The following LSR variants were observed in gnomAD, a reference collection of about 807,000 sequenced individuals.
The protein encoded by LSR is lipolysis-stimulated lipoprotein receptor.
LSR carries 44 observed loss-of-function variants against 61.8 expected under a neutral mutation model. The ratio of observed to expected loss-of-function variants is 0.71; its 90% CI spans 0.56 to 0.91. The LOEUF is 0.91. Ranked by LOEUF, LSR falls within the 40% of genes least tolerant of loss-of-function variation. The pLI, the probability that LSR is intolerant of heterozygous loss-of-function variation, is 0.00. For missense variants in LSR, 911 were observed against 830.5 expected (o/e 1.10, Z -1.19); for synonymous variants, 397 against 350.6 (o/e 1.13, Z -1.48).
rs2065900901 is a variant in LSR at position 35,259,640 on chromosome 19, A to C, written c.574+576A>C. Among the ~76,000 whole-genome samples the C allele has an allele frequency of 2.0e-5, 3 of 151,966 alleles. No individual in the cohort carries two copies. The South Asian group carries it at 6.2e-4, about 32-fold the overall frequency. On this transcript the variant is annotated intron_variant, in intron 3 of 9. Coordinates refer to ENST00000605618, the MANE Select transcript of LSR (RefSeq NM_205834.4). The stretch of plus-strand genomic sequence containing the variant: ...GCGACAGAGTGAGACTCTGTCCAAA[A>C]AAAAAAAAAATCCAGACGTGGTCAG...
intron 7 of LSR, 29 bp downstream of exon 7, chr19:35,266,767 G>A (rs758282214): frequency 3.7e-6 from 6 of 1,609,432 alleles, no homozygotes; most frequent in Admixed American, 1.7e-5. Context: ...GAAGTTGGAT[G>A]TGCCTGTAAG....
rs1176286636 is a variant in LSR, at chr19:35,267,214, C to T, written c.1250C>T (p.Pro417Leu). The change falls in exon 9 of 10, where the codon CCC becomes CTC. Residue 417 changes from proline (P) to leucine (L), a missense_variant. Transcript: ENST00000605618. The stretch of plus-strand genomic sequence containing the variant: ...GATGAGGAGTGGGGTGGCCACTCCC[C>T]CCGGAGTCCCAGGGGATGGGACCAG... ...IRDEEWGGHS[P>L]RSPRGWDQEP... is the part of the protein sequence containing the mutation. 1 of 1,522,060 alleles carries T rather than the reference C, an allele frequency of 6.6e-7. No homozygotes were observed. The highest frequency in any genetic ancestry group is 8.8e-7 in the Non-Finnish European group (1 of 1,137,944). 94.3% of individuals were successfully genotyped at this position (1,522,060 alleles called of 1,614,324 possible).
At chr19:35,266,273 G>C (rs1293502877) in intron 5 of LSR, 86 bp from the exon 6 acceptor site, 1 of 1,143,034 alleles carries the variant, frequency 8.7e-7, no homozygotes, top group East Asian at 2.4e-5. Context: ...AGGAGGTCCA[G>C]GCCCAGGTCC....
chr19:35,260,066 C>G (rs1406449671), intron 3 of LSR, among the ~76,000 whole-genome samples: 2 of 152,304 alleles, frequency 1.3e-5, no homozygotes, highest in Middle Eastern at 3.4e-3. Context: ...GGCTGCAAGA[C>G]AGAGTTCATG....
intron 5 of LSR, among the ~76,000 whole-genome samples, chr19:35,266,091 C>T (rs182891468): frequency 6.6e-6 from 1 of 152,338 alleles, no homozygotes; most frequent in Non-Finnish European, 1.5e-5. Flanking sequence ...TGTTCTGCCA[C>T]CCTGGGGCTG....
intron 4 of LSR, 135 bp downstream of exon 4, chr19:35,262,116 G>A: frequency 1.2e-6 from 1 of 822,936 alleles, no homozygotes; most frequent in Non-Finnish European, 1.9e-6. Flanking sequence ...GCCTGACTGT[G>A]GCTCTGAGGC....
Position 35,250,637 on chromosome 19 carries a change from C to A in LSR, c.432C>A (p.Gly144=). Residue 144 remains glycine, a synonymous_variant, in exon 2 of 10, where the codon GGC becomes GGA. Transcript: ENST00000605618. ...NAVTLGDYYQ[G]RRITITGNAD... ...TGACCCTGGGAGATTACTACCAGGG[C>A]CGGAGGATTACCATCACCGGAAGTA... is the stretch of plus-strand genomic sequence containing the variant. The A allele has an allele frequency of 6.4e-7, 1 of 1,563,348 alleles. No homozygotes were observed. The highest frequency in any genetic ancestry group is 1.8e-5 in the Admixed American group (1 of 57,136).
intron 3 of LSR, among the ~76,000 whole-genome samples, chr19:35,259,866 G>A (rs2065904226): frequency 6.6e-6 from 1 of 152,232 alleles, no homozygotes; most frequent in Non-Finnish European, 1.5e-5. Context: ...CAGACACCCA[G>A]GGGCAGGGCG....
At chr19:35,253,976 G>A (rs1222426046) in intron 2 of LSR, among the ~76,000 whole-genome samples, 2 of 148,850 alleles carry the variant, frequency 1.3e-5, no homozygotes, top group Non-Finnish European at 3.0e-5. Flanking sequence ...GGCCCTGAGT[G>A]TAAACATCCA....
In LSR at chr19:35,266,433, C is replaced by T; in HGVS notation, c.853C>T (p.Pro285Ser). 1 of 1,612,288 alleles carries T rather than the reference C, an allele frequency of 6.2e-7. No individual in the cohort carries two copies. Among genetic ancestry groups the T allele is most frequent in the Non-Finnish European group, 8.5e-7 (1 of 1,178,972 alleles). ...CCCCAGCACCTATGCCCACCTGTCTCCCGCCAAGACCCCACCCCCACCAGC... is the reference window on the plus strand; with the variant it reads ...CCCCAGCACCTATGCCCACCTGTCTTCCGCCAAGACCCCACCCCCACCAGC... ...YAPSTYAHLSPAKTPPPPAMI... is the reference protein window; with the variant it reads ...YAPSTYAHLSSAKTPPPPAMI... The change falls in exon 6 of 10, where the codon CCC becomes TCC. Residue 285 changes from proline to serine, a missense_variant. By Grantham distance (74) the Pro-to-Ser change is moderately conservative. Transcript: ENST00000605618.
At chr19:35,249,386 A>G (rs753010614) in intron 1 of LSR, 20 of 503,060 alleles carry the variant, frequency 4.0e-5, no homozygotes, top group Non-Finnish European at 6.5e-5. Flanking sequence ...CCGGAGCGGC[A>G]GGGAGAATGG....
At chr19:35,263,291 GA>G (rs1373632672) in intron 5 of LSR, among the ~76,000 whole-genome samples, 4 of 149,376 alleles carry the variant, frequency 2.7e-5, no homozygotes, top group African/African-American at 7.4e-5. Flanking sequence ...AAAAAAAAAA[GA>G]AAAAAAAATG....
chr19:35,266,393 T>C lies in LSR; in HGVS notation c.813T>C (p.Val271=), dbSNP rs1430252717. 2.5e-6 allele frequency: 4 copies of C among 1,601,460 alleles called. No individual in the cohort carries two copies. The Admixed American group carries it at 6.9e-5, about 28-fold the overall frequency. ...CCGGCAAAGCAGCCACCTCAGGTGT[T>C]CCCAGCATTTATGCCCCCAGCACCT... ...YAAGKAATSG[V]PSIYAPSTYA... Residue 271 remains valine (V), a synonymous_variant, in exon 6 of 10, where the codon GTT becomes GTC. Coordinates refer to ENST00000605618, the MANE Select transcript of LSR (RefSeq NM_205834.4).
chr19:35,256,239 A>G (rs2065854673), intron 2 of LSR, among the ~76,000 whole-genome samples: 1 of 152,212 alleles, frequency 6.6e-6, no homozygotes, highest in South Asian at 2.1e-4. Context: ...ATCTCAAAAA[A>G]AAAAAAAAAA....
intron 2 of LSR, among the ~76,000 whole-genome samples, chr19:35,255,712 C>T (rs2065848004): frequency 6.6e-6 from 1 of 152,206 alleles, no homozygotes; most frequent in East Asian, 1.9e-4. Context: ...CTTCCCTGGC[C>T]TCCTTGTTTA....
chr19:35,250,126 C>T (rs1305605141), intron 1 of LSR, among the ~76,000 whole-genome samples, 189 bp from the exon 2 acceptor site: 1 of 152,142 alleles, frequency 6.6e-6, no homozygotes, highest in African/African-American at 2.4e-5. Flanking sequence ...CCACTTCAGC[C>T]CCACGGGTCT....
At chr19:35,257,789 A>C (rs563022766) in intron 2 of LSR, among the ~76,000 whole-genome samples, 18 of 152,342 alleles carry the variant, frequency 1.2e-4, no homozygotes, top group African/African-American at 4.1e-4. Context: ...GTATTTAATT[A>C]GTGCCTGAGA....
At position 35,267,190 on chromosome 19, in the gene LSR, A is replaced by G; in HGVS notation, c.1226A>G (p.Asp409Gly). ...SRGPALTPIR[D>G]EEWGGHSPRS... Reference sequence around the variant, plus strand: ...GGCCCTGCCCTCACCCCGATCCGGGATGAGGAGTGGGGTGGCCACTCCCCC... The same window carrying G: ...GGCCCTGCCCTCACCCCGATCCGGGGTGAGGAGTGGGGTGGCCACTCCCCC... The change falls in exon 9 of 10, where the codon GAT becomes GGT. Residue 409 changes from aspartate (D) to glycine (G), a missense_variant. Coordinates refer to ENST00000605618, the MANE Select transcript of LSR (RefSeq NM_205834.4). 1 of 1,523,540 alleles carries G rather than the reference A, an allele frequency of 6.6e-7. No individual in the cohort carries two copies. Among genetic ancestry groups the G allele is most frequent in the Non-Finnish European group, 8.8e-7 (1 of 1,139,048 alleles). 94.4% of individuals were successfully genotyped at this position (1,523,540 alleles called of 1,614,324 possible). A position where few individuals can be genotyped will look rare whatever the true frequency, so the allele number is the denominator to read the frequency against.
intron 5 of LSR, chr19:35,262,941 C>A: frequency 2.0e-6 from 1 of 505,274 alleles, no homozygotes; most frequent in Non-Finnish European, 3.5e-6. Flanking sequence ...GTAAAAATGT[C>A]CAACAGTACA....
Sources: allele counts gnomAD v4.1 joint callset (sites outside exome capture counted in the v4.1 genomes callset), GRCh38; gene constraint gnomAD v4.1.1; transcripts MANE v1.5; gene names NCBI Gene and HGNC (gene_info 2026-07-23, HGNC 2026-07-21).